The following KCNAB1 variants were observed in gnomAD, a reference collection of about 807,000 sequenced individuals.
KCNAB1 encodes potassium voltage-gated channel subfamily A regulatory beta subunit 1.
In KCNAB1, 35 loss-of-function variants were observed where a neutral mutation model predicts 64.6. The observed-to-expected ratio is 0.54, with a 90% CI of 0.41 to 0.72. KCNAB1 has a LOEUF of 0.72. Ranked by LOEUF, KCNAB1 falls within the 30% of genes least tolerant of loss-of-function variation. KCNAB1 has a pLI of 0.00. For missense variants in KCNAB1, 401 were observed against 512.9 expected (o/e 0.78, Z 2.11); for synonymous variants, 177 against 183.8 (o/e 0.96, Z 0.30).
At chr3:156,182,629 T>TCCCCCC (rs71138700) in intron 1 of KCNAB1, among the ~76,000 whole-genome samples, 1 of 120,490 alleles carries the variant, frequency 8.3e-6, no homozygotes, top group Non-Finnish European at 1.8e-5. Context: ...GGTTTTTTTT[T>TCCCCCC]CCCCCCCCCG....
intron 1 of KCNAB1, among the ~76,000 whole-genome samples, chr3:156,323,202 T>C (rs1722779766): frequency 6.6e-6 from 1 of 152,218 alleles, no homozygotes; most frequent in South Asian, 2.1e-4. Context: ...TTACTCATAT[T>C]GGTGTATAAA....
intron 1 of KCNAB1, among the ~76,000 whole-genome samples, chr3:156,389,125 T>A (rs1033845658): frequency 2.0e-5 from 3 of 152,158 alleles, no homozygotes; most frequent in African/African-American, 7.2e-5. Context: ...CTGCAGCCTC[T>A]CATGACAAGC....
intron 2 of KCNAB1, among the ~76,000 whole-genome samples, chr3:156,430,993 G>C (rs962297016): frequency 6.6e-6 from 1 of 152,126 alleles, no homozygotes; most frequent in East Asian, 1.9e-4. Flanking sequence ...ACTTATGAAC[G>C]CTCCACAGAC....
chr3:156,342,609 A>T (rs202110587), intron 1 of KCNAB1, among the ~76,000 whole-genome samples: 1,320 of 103,410 alleles, frequency 0.013, 2 homozygotes, highest in African/African-American at 0.015. Flanking sequence ...TTTTTTTTTA[A>T]TTTTTTTTTT....
chr3:156,489,194 T>C (rs903165516), intron 8 of KCNAB1, among the ~76,000 whole-genome samples: 1 of 152,002 alleles, frequency 6.6e-6, no homozygotes, highest in African/African-American at 2.4e-5. Flanking sequence ...CCCTTGAGAA[T>C]TGATGAAATC....
At chr3:156,325,881 A>G (rs1157278930) in intron 1 of KCNAB1, among the ~76,000 whole-genome samples, 1 of 152,216 alleles carries the variant, frequency 6.6e-6, no homozygotes, top group African/African-American at 2.4e-5. Context: ...AGGTTTTATA[A>G]TTGCACAAAA....
At chr3:156,532,996 A>G (rs1342497875) in intron 13 of KCNAB1, among the ~76,000 whole-genome samples, 1 of 152,220 alleles carries the variant, frequency 6.6e-6, no homozygotes, top group Non-Finnish European at 1.5e-5. Flanking sequence ...GCTGAGAAAC[A>G]GTGAATTAAA....
intron 1 of KCNAB1, chr3:156,143,084 T>G: frequency 6.8e-7 from 1 of 1,462,894 alleles, no homozygotes; most frequent in South Asian, 1.6e-5. Context: ...AGGGACATAC[T>G]GAAGCCAGAT....
chr3:156,319,805 A>G (rs528149584), intron 1 of KCNAB1, among the ~76,000 whole-genome samples: 2 of 152,326 alleles, frequency 1.3e-5, no homozygotes, highest in South Asian at 4.1e-4. Flanking sequence ...CTCCTTTAAA[A>G]TTGTTCCAAA....
intron 1 of KCNAB1, among the ~76,000 whole-genome samples, chr3:156,214,307 T>C (rs1378566483): frequency 1.3e-5 from 2 of 152,178 alleles, no homozygotes; most frequent in African/African-American, 4.8e-5. Context: ...CTGCTACTTA[T>C]GATTGGCATC....
chr3:156,204,214 A>C (rs1020641663), intron 1 of KCNAB1, among the ~76,000 whole-genome samples: 1 of 152,220 alleles, frequency 6.6e-6, no homozygotes, highest in Admixed American at 6.5e-5. Context: ...TCCAACCACT[A>C]TATTTACTGA....
At chr3:156,282,286 T>C (rs1037667076) in intron 1 of KCNAB1, among the ~76,000 whole-genome samples, 1 of 149,852 alleles carries the variant, frequency 6.7e-6, no homozygotes, top group Non-Finnish European at 1.5e-5. Flanking sequence ...TTGAGTGAGA[T>C]TCTTAATCCT....
intron 1 of KCNAB1, among the ~76,000 whole-genome samples, chr3:156,219,159 C>G (rs1280404524): frequency 2.0e-5 from 3 of 151,684 alleles, no homozygotes; most frequent in Non-Finnish European, 4.4e-5. Flanking sequence ...TTAGGCTAAC[C>G]AAGGAGGCAT....
chr3:156,421,470 T>TC, intron 1 of KCNAB1, 146 bp from the exon 2 acceptor site: 1 of 732,092 alleles, frequency 1.4e-6, no homozygotes, highest in Non-Finnish European at 2.3e-6. Context: ...GGGAGACCTG[T>TC]CTCAAGACAA....
intron 1 of KCNAB1, among the ~76,000 whole-genome samples, chr3:156,312,515 C>T (rs141209479): frequency 0.013 from 2,050 of 151,992 alleles, 56 homozygotes; most frequent in African/African-American, 0.048. Context: ...AGTTTGAGAC[C>T]AGCCTGGCTA....
At chr3:156,227,532 G>C (rs1437315941) in intron 1 of KCNAB1, among the ~76,000 whole-genome samples, 1 of 152,122 alleles carries the variant, frequency 6.6e-6, no homozygotes, top group Non-Finnish European at 1.5e-5. Flanking sequence ...ATTAGTATAC[G>C]ATTCTCTTGT....
At chr3:156,314,835 A>G (rs549664584) in intron 1 of KCNAB1, among the ~76,000 whole-genome samples, 1 of 152,272 alleles carries the variant, frequency 6.6e-6, no homozygotes, top group African/African-American at 2.4e-5. Context: ...CAACATGGTG[A>G]TATCCCCATC....
At position 156,170,010 on chromosome 3, in the gene KCNAB1, C is replaced by T. The variant is rs188127704; in HGVS notation, c.275+49124C>T. On this transcript the variant is annotated intron_variant, in intron 1 of 13. Transcript: ENST00000490337. ...AAAGAGGCCCTTTTTCCCTCTACTGCCCAAGGCTACTCATCTTGAGACTGG... is the reference window on the plus strand; with the variant it reads ...AAAGAGGCCCTTTTTCCCTCTACTGTCCAAGGCTACTCATCTTGAGACTGG... Among the ~76,000 whole-genome samples the T allele has an allele frequency of 4.6e-5, 7 of 152,298 alleles. No individual in the cohort carries two copies. In the East Asian group the frequency reaches 1.4e-3, roughly 29 times the overall value.
intron 1 of KCNAB1, among the ~76,000 whole-genome samples, chr3:156,159,292 A>T (rs1195062737): frequency 6.6e-6 from 1 of 152,110 alleles, no homozygotes; most frequent in East Asian, 1.9e-4. Flanking sequence ...GGGTAGGGGA[A>T]TATTTTCCTC....
Sources: allele counts gnomAD v4.1 joint callset (sites outside exome capture counted in the v4.1 genomes callset), GRCh38; gene constraint gnomAD v4.1.1; transcripts MANE v1.5; gene names NCBI Gene and HGNC (gene_info 2026-07-23, HGNC 2026-07-21).